The following SPIDR variants were observed in gnomAD, a reference collection of about 807,000 sequenced individuals.
SPIDR encodes the protein DNA repair-scaffolding protein.
In SPIDR, 93 loss-of-function variants were observed where a neutral mutation model predicts 104.6. The observed-to-expected ratio is 0.89, with a 90% confidence interval of 0.75 to 1.06. The LOEUF (loss-of-function observed/expected upper bound fraction) is 1.06, where lower values mean the gene tolerates loss of function less well. Ranked by LOEUF, SPIDR falls within the 50% of genes least tolerant of loss-of-function variation. The pLI is 0.00. For missense variants in SPIDR, 1,154 were observed against 1,111.2 expected, an observed-to-expected ratio of 1.04 and a Z score of -0.55; for synonymous variants, 431 against 416.9, an observed-to-expected ratio of 1.03 and a Z score of -0.41.
At chr8:47,504,741 C>G (rs545735962) in intron 8 of SPIDR, among the ~76,000 whole-genome samples, 51 of 152,284 alleles carry the variant, frequency 3.3e-4, no homozygotes, top group Middle Eastern at 3.4e-3. Context: ...TTTTTCTGCT[C>G]TGTTTTTTCT....
intron 5 of SPIDR, among the ~76,000 whole-genome samples, chr8:47,344,990 G>T (rs1353809046): frequency 6.6e-6 from 1 of 152,100 alleles, no homozygotes; most frequent in Admixed American, 6.6e-5. Flanking sequence ...GTCAATTTTG[G>T]CTTTTGTTGC....
intron 10 of SPIDR, among the ~76,000 whole-genome samples, chr8:47,633,480 C>T (rs549756560): frequency 1.3e-5 from 2 of 151,432 alleles, no homozygotes; most frequent in South Asian, 2.1e-4. Context: ...GACCTCCAGG[C>T]CATGCCATCT....
At chr8:47,547,431 T>A (rs566327627) in intron 8 of SPIDR, 29 of 235,722 alleles carry the variant, frequency 1.2e-4, no homozygotes, top group East Asian at 9.4e-4. Context: ...ATTTTTAATT[T>A]ATTTATTTAT....
intron 11 of SPIDR, among the ~76,000 whole-genome samples, chr8:47,685,827 CA>C (rs995099819): frequency 6.7e-6 from 1 of 148,840 alleles, no homozygotes; most frequent in Non-Finnish European, 1.5e-5. Flanking sequence ...GCTGGGATTA[CA>C]GGTGTGAGCC....
chr8:47,644,406 C>T (rs759892313), intron 10 of SPIDR, among the ~76,000 whole-genome samples: 18 of 152,300 alleles, frequency 1.2e-4, no homozygotes, highest in Non-Finnish European at 2.4e-4. Flanking sequence ...GTGATGATGA[C>T]GTAATCGTGT....
At chr8:47,458,049 TG>T (rs2073294549) in intron 8 of SPIDR, among the ~76,000 whole-genome samples, 1 of 152,210 alleles carries the variant, frequency 6.6e-6, no homozygotes. Flanking sequence ...TTTATTCTTT[TG>T]GCTTAGTCTT....
intron 10 of SPIDR, among the ~76,000 whole-genome samples, chr8:47,606,075 A>T (rs1033482408): frequency 1.3e-4 from 20 of 152,202 alleles, no homozygotes; most frequent in African/African-American, 4.6e-4. Context: ...GTAAATTTGT[A>T]TGTGAAGTGT....
intron 7 of SPIDR, among the ~76,000 whole-genome samples, chr8:47,419,989 A>G (rs1415016099): frequency 6.6e-6 from 1 of 152,088 alleles, no homozygotes; most frequent in Non-Finnish European, 1.5e-5. Context: ...ACAGTTTGTT[A>G]TAATTTCTGT....
chr8:47,709,055 C>G (rs1031854483), intron 14 of SPIDR, among the ~76,000 whole-genome samples: 9 of 152,006 alleles, frequency 5.9e-5, no homozygotes, highest in Non-Finnish European at 1.3e-4. Flanking sequence ...TCACTGCAAC[C>G]TCTGCCTCCC....
At chr8:47,350,027 G>A (rs1261749416) in intron 5 of SPIDR, among the ~76,000 whole-genome samples, 1 of 152,206 alleles carries the variant, frequency 6.6e-6, no homozygotes, top group Non-Finnish European at 1.5e-5. Context: ...CTTTGGAAAT[G>A]CAGAAATCAC....
intron 5 of SPIDR, among the ~76,000 whole-genome samples, chr8:47,344,800 C>G (rs1283078174): frequency 3.9e-5 from 6 of 152,214 alleles, no homozygotes; most frequent in Admixed American, 1.3e-4. Context: ...CCTTTGCCCA[C>G]TTTTTGATGG....
intron 5 of SPIDR, among the ~76,000 whole-genome samples, chr8:47,367,816 C>T (rs1444726804): frequency 1.3e-5 from 2 of 151,968 alleles, no homozygotes; most frequent in African/African-American, 4.8e-5. Flanking sequence ...AGTGAACGAA[C>T]GTAGGAAGGA....
intron 8 of SPIDR, among the ~76,000 whole-genome samples, chr8:47,466,910 T>C (rs1420248373): frequency 9.5e-5 from 12 of 125,854 alleles, no homozygotes; most frequent in Non-Finnish European, 1.3e-4. Context: ...AATATATATA[T>C]ATATAGATAG....
At chr8:47,396,278 A>T in intron 5 of SPIDR, 98 bp from the exon 6 acceptor site, 1 of 1,048,264 alleles carries the variant, frequency 9.5e-7, no homozygotes, top group Non-Finnish European at 1.4e-6. Context: ...CAAGAGCTGT[A>T]ACTGTAAGGG....
At chr8:47,330,237 C>G (rs1298899840) in intron 5 of SPIDR, among the ~76,000 whole-genome samples, 1 of 151,398 alleles carries the variant, frequency 6.6e-6, no homozygotes, top group Non-Finnish European at 1.5e-5. Flanking sequence ...TACAGAAAAA[C>G]TGAAAGGAAG....
rs553771967 is a variant in SPIDR at position 47,610,733 on chromosome 8, A to G, written c.1544+11537A>G. 1.1e-3 allele frequency among the ~76,000 whole-genome samples: 164 copies of G among 152,346 alleles called. 3 individuals are homozygous for G. Among genetic ancestry groups the G allele is most frequent in the African/African-American group, 1.7e-3 (70 of 41,584 alleles). ...TTCTTGGGTTGGACACCCCCTTCCC[A>G]CGAGAGAGGATTATACATGAACAGA... On this transcript the variant is annotated intron_variant, in intron 10 of 19. Transcript: ENST00000297423.
intron 8 of SPIDR, among the ~76,000 whole-genome samples, chr8:47,479,254 G>C (rs782689994): frequency 1.3e-5 from 2 of 151,794 alleles, no homozygotes; most frequent in Non-Finnish European, 2.9e-5. Context: ...AGCTACTCAG[G>C]AGGCTGAAGC....
At chr8:47,620,877 C>T (rs942598196) in intron 10 of SPIDR, among the ~76,000 whole-genome samples, 5 of 151,436 alleles carry the variant, frequency 3.3e-5, no homozygotes, top group Admixed American at 1.3e-4. Context: ...CTCGGCCTCC[C>T]AAAGTGCTGT....
At chr8:47,281,856 T>C (rs2037849351) in intron 2 of SPIDR, among the ~76,000 whole-genome samples, 1 of 152,224 alleles carries the variant, frequency 6.6e-6, no homozygotes, top group African/African-American at 2.4e-5. Flanking sequence ...TTTGCCCAGA[T>C]CCATCAGAGG....
Sources: allele counts gnomAD v4.1 joint callset (sites outside exome capture counted in the v4.1 genomes callset), GRCh38; gene constraint gnomAD v4.1.1; transcripts MANE v1.5; gene names NCBI Gene and HGNC (gene_info 2026-07-23, HGNC 2026-07-21).